The following RTCA variants were observed in gnomAD, a reference collection of about 807,000 sequenced individuals.
RTCA encodes the protein RNA terminal phosphate cyclase domain 1.
In RTCA, 37 loss-of-function variants were observed where a neutral mutation model predicts 46.1. That is an observed-to-expected ratio of 0.80 (90% CI 0.62 to 1.06). The LOEUF (loss-of-function observed/expected upper bound fraction) is 1.06, where lower values mean the gene tolerates loss of function less well. Ranked by LOEUF, RTCA falls within the 50% of genes least tolerant of loss-of-function variation. The probability of loss-of-function intolerance (pLI) is 0.00; values close to 1 mark genes in which losing one functional copy is unlikely to be tolerated. For synonymous variants in RTCA, 164 were observed against 158.3 expected, an observed-to-expected ratio of 1.04 and a Z score of -0.27; for missense variants, 435 against 455.5, an observed-to-expected ratio of 0.95 and a Z score of 0.41.
chr1:100,271,431 A>G (rs1032866505), intron 4 of RTCA, among the ~76,000 whole-genome samples: 1 of 152,144 alleles, frequency 6.6e-6, no homozygotes, highest in Non-Finnish European at 1.5e-5. Context: ...CTATGTTGGC[A>G]CTCCATCCTG....
chr1:100,283,935 G>GAAAAAAAAAAAAAAAAAAAAAAAAAAAAA (rs763030720), intron 8 of RTCA, among the ~76,000 whole-genome samples: 1 of 55,108 alleles, frequency 1.8e-5, no homozygotes, highest in African/African-American at 4.0e-5. Context: ...AAAAAAAAAA[G>GAAAAAAAAAAAAAAAAAAAAAAAAAAAAA]AAAAAAAAAA....
At chr1:100,268,633 A>G (rs1570871982) in intron 3 of RTCA, among the ~76,000 whole-genome samples, 1 of 152,112 alleles carries the variant, frequency 6.6e-6, no homozygotes, top group East Asian at 1.9e-4. Flanking sequence ...AAGCTCAAGC[A>G]ATCCACCCAC....
At chr1:100,279,615 T>A (rs530041365) in intron 8 of RTCA, among the ~76,000 whole-genome samples, 49 of 138,596 alleles carry the variant, frequency 3.5e-4, no homozygotes, top group Middle Eastern at 3.6e-3. Context: ...TCTCTTAAAA[T>A]TTTTTTTTTT....
intron 8 of RTCA, among the ~76,000 whole-genome samples, chr1:100,283,925 AAAAAAAAAAG>A (rs1195614704): frequency 2.0e-4 from 8 of 39,748 alleles, no homozygotes; most frequent in Non-Finnish European, 3.8e-4. Context: ...TAGTCGCTAA[AAAAAAAAAAG>A]AAAAAAAAAA....
chr1:100,289,840 A>AAT (rs1667256622), intron 10 of RTCA, among the ~76,000 whole-genome samples: 1 of 152,226 alleles, frequency 6.6e-6, no homozygotes, highest in Non-Finnish European at 1.5e-5. Flanking sequence ...TCTCAATGCA[A>AAT]ATAGTTATCT....
At chr1:100,282,004 C>G (rs1421779712) in intron 8 of RTCA, among the ~76,000 whole-genome samples, 1 of 152,166 alleles carries the variant, frequency 6.6e-6, no homozygotes, top group Non-Finnish European at 1.5e-5. Flanking sequence ...CCGTGCCGGC[C>G]TCATGGCATC....
intron 8 of RTCA, among the ~76,000 whole-genome samples, chr1:100,278,707 T>C (rs1253827366): frequency 1.3e-5 from 2 of 152,198 alleles, no homozygotes; most frequent in African/African-American, 4.8e-5. Context: ...GTTTGCTCAG[T>C]TGGTAAATCT....
chr1:100,266,765 C>T (rs544210960), intron 2 of RTCA, 141 bp downstream of exon 2: 106 of 677,406 alleles, frequency 1.6e-4, no homozygotes, highest in Non-Finnish European at 2.4e-4. Context: ...GCGGGGCACT[C>T]TGCCTGGGCG....
At chr1:100,279,876 G>C (rs946828716) in intron 8 of RTCA, among the ~76,000 whole-genome samples, 1 of 152,180 alleles carries the variant, frequency 6.6e-6, no homozygotes, top group Non-Finnish European at 1.5e-5. Context: ...ATATCGACAG[G>C]CCAGATTCTG....
chr1:100,280,914 C>T (rs563663887), intron 8 of RTCA, among the ~76,000 whole-genome samples: 6 of 152,140 alleles, frequency 3.9e-5, no homozygotes, highest in East Asian at 3.9e-4. Context: ...AGGCAGGAGG[C>T]GGGAGGATCA....
At position 100,268,230 on chromosome 1, in the gene RTCA, A is replaced by C; in HGVS notation, c.225A>C (p.Thr75=). The C allele has an allele frequency of 6.2e-7, 1 of 1,614,208 alleles. No homozygotes were observed. Among genetic ancestry groups the C allele is most frequent in the Non-Finnish European group, 8.5e-7 (1 of 1,180,044 alleles). ...GQLEGAEIGS[T]EITFTPEKIK... The stretch of plus-strand genomic sequence containing the variant: ...TGGAGGGGGCAGAAATTGGCTCAAC[A>C]GAAATAACCTTTACACCAGAGAAGA... The change falls in exon 3 of 11, where the codon ACA becomes ACC. Residue 75 remains threonine, a synonymous_variant. Coordinates refer to ENST00000370128, the MANE Select transcript of RTCA (RefSeq NM_003729.4).
intron 1 of RTCA, 46 bp downstream of exon 1, chr1:100,266,466 G>A (rs1253864827): frequency 6.2e-7 from 1 of 1,607,510 alleles, no homozygotes; most frequent in Admixed American, 1.7e-5. Context: ...AACTAAGGAG[G>A]GGAGCTCTCA....
chr1:100,270,352 G>A (rs569461179), intron 3 of RTCA, among the ~76,000 whole-genome samples: 2 of 152,256 alleles, frequency 1.3e-5, no homozygotes, highest in East Asian at 3.9e-4. Context: ...TTTCTATGGT[G>A]AAATACTGTT....
intron 3 of RTCA, 73 bp from the exon 4 acceptor site, chr1:100,270,484 T>C (rs1666023907): frequency 6.4e-7 from 1 of 1,569,324 alleles, no homozygotes; most frequent in Admixed American, 1.8e-5. Context: ...AACAAGAATA[T>C]AGCTTATTTA....
At chr1:100,275,807 C>A in intron 7 of RTCA, 84 bp downstream of exon 7, 1 of 1,209,600 alleles carries the variant, frequency 8.3e-7, no homozygotes, top group Non-Finnish European at 1.1e-6. Context: ...GGGTTTCTTG[C>A]TTAAGTTTAT....
At chr1:100,274,672 G>A (rs1666274307) in intron 5 of RTCA, 152 bp from the exon 6 acceptor site, 1 of 812,634 alleles carries the variant, frequency 1.2e-6, no homozygotes, top group Non-Finnish European at 1.8e-6. Flanking sequence ...GTTTTTTAAT[G>A]TATAAAATTT....
At chr1:100,286,426 G>C (rs947064541) in intron 9 of RTCA, among the ~76,000 whole-genome samples, 6 of 131,256 alleles carry the variant, frequency 4.6e-5, no homozygotes, top group Non-Finnish European at 3.1e-5. Flanking sequence ...CTGCACTCCA[G>C]CCTGGGTGGC....
In RTCA at chr1:100,266,504, C is replaced by G; in HGVS notation, c.46-20C>G. The G allele has an allele frequency of 6.2e-7, 1 of 1,611,466 alleles. No homozygotes were observed. Among genetic ancestry groups the G allele is most frequent in the Non-Finnish European group, 8.5e-7 (1 of 1,177,902 alleles). On this transcript the variant is annotated intron_variant, in intron 1 of 10. Coordinates refer to ENST00000370128, the MANE Select transcript of RTCA (RefSeq NM_003729.4). ...ACCGGTGTGCTTACTTCTCTTCTCC[C>G]TGTACCCCAACCTTTGCAGGGCGGC...
At position 100,266,592 on chromosome 1, in the gene RTCA, G is replaced by A; in HGVS notation, c.114G>A (p.Lys38=). 6.2e-7 allele frequency: 1 copy of A among 1,613,802 alleles called. No homozygotes were observed. Among genetic ancestry groups the A allele is most frequent in the East Asian group, 2.2e-5 (1 of 44,860 alleles). Residue 38 remains lysine, a synonymous_variant, in exon 2 of 11, where the codon AAG becomes AAA. Transcript: ENST00000370128. ...TAGGCCTCCCCTTGCGGGTGCAGAA[G>A]ATCCGAGCCGGCCGGAGCACGCCAG... ...CLLGLPLRVQ[K]IRAGRSTPGL...
Sources: allele counts gnomAD v4.1 joint callset (sites outside exome capture counted in the v4.1 genomes callset), GRCh38; gene constraint gnomAD v4.1.1; transcripts MANE v1.5; gene names NCBI Gene and HGNC (gene_info 2026-07-23, HGNC 2026-07-21).